CENPN: variants seen among roughly 807,000 people sequenced by gnomAD.
CENPN encodes the protein interphase centromere complex protein 32.
CENPN carries 36 observed loss-of-function variants against 48.6 expected under a neutral mutation model. That is an observed-to-expected ratio of 0.74 (90% confidence interval 0.57 to 0.98). CENPN has a LOEUF of 0.98. CENPN is among the 50% of genes least tolerant of loss of function. CENPN has a pLI of 0.00. For missense variants in CENPN, 439 were observed against 399.2 expected (o/e 1.10, Z -0.85); for synonymous variants, 166 against 135.2 (o/e 1.23, Z -1.58).
intron 2 of CENPN, 31 bp downstream of exon 2, chr16:81,012,141 C>T (rs1261922436): frequency 1.3e-6 from 2 of 1,599,606 alleles, no homozygotes; most frequent in Non-Finnish European, 1.7e-6. Flanking sequence ...GAGCCTTGAA[C>T]AGAGTGCTAC....
chr16:81,016,191 C>A (rs1465462124), intron 3 of CENPN, among the ~76,000 whole-genome samples: 2 of 152,014 alleles, frequency 1.3e-5, no homozygotes, highest in African/African-American at 4.8e-5. Context: ...CTGTCATATA[C>A]TTATTCATTC....
Position 81,030,032 on chromosome 16 carries a change from A to AG in CENPN, c.*1384dup, listed in dbSNP as rs1970700328. On this transcript the variant is annotated 3_prime_UTR_variant, in exon 11 of 11. Coordinates refer to ENST00000305850, the MANE Select transcript of CENPN (RefSeq NM_001100624.3). The stretch of plus-strand genomic sequence containing the variant: ...TGGCGGCAGGCAAGAGAGCTTGTGC[A>AG]GGGAAACTCCCATTTATAAAACCAC... 6.6e-6 allele frequency among the ~76,000 whole-genome samples: 1 copy of AG among 152,210 alleles called. No individual in the cohort carries two copies. The highest frequency in any genetic ancestry group is 2.1e-4 in the South Asian group (1 of 4,830).
intron 5 of CENPN, 49 bp from the exon 6 acceptor site, chr16:81,020,051 G>T: frequency 6.4e-7 from 1 of 1,554,466 alleles, no homozygotes; most frequent in Non-Finnish European, 8.7e-7. Flanking sequence ...TGGTGCCACA[G>T]TGAAATTTTA....
At chr16:81,019,866 G>C (rs1410471232) in intron 5 of CENPN, among the ~76,000 whole-genome samples, 5 of 142,182 alleles carry the variant, frequency 3.5e-5, no homozygotes, top group African/African-American at 1.3e-4. Context: ...AACTGAGCAA[G>C]ACCTAGTCTC....
chr16:81,022,869 C>G (rs1384189180), intron 7 of CENPN, 171 bp downstream of exon 7: 1 of 1,610,564 alleles, frequency 6.2e-7, no homozygotes, highest in African/African-American at 1.3e-5. Flanking sequence ...AAATTCCTCA[C>G]AGTCATCTTT....
intron 3 of CENPN, among the ~76,000 whole-genome samples, chr16:81,016,625 T>C (rs1236764904): frequency 6.6e-6 from 1 of 152,088 alleles, no homozygotes; most frequent in African/African-American, 2.4e-5. Context: ...TAGCCAGGCG[T>C]TGTGGCAGGC....
downstream of CENPN, chr16:81,032,430 C>T (rs2151728244): frequency 2.7e-6 from 2 of 753,876 alleles, no homozygotes; most frequent in Non-Finnish European, 4.3e-6. Context: ...GGTATATAAG[C>T]GTCCACACCC....
chr16:81,010,863 T>C (rs987868500), intron 1 of CENPN, among the ~76,000 whole-genome samples: 71 of 152,270 alleles, frequency 4.7e-4, no homozygotes, highest in African/African-American at 1.7e-3. Context: ...TAAAAGTGTA[T>C]CCAGAACCTG....
At position 81,022,545 on chromosome 16, in the gene CENPN, T is replaced by A. The variant is rs1597100639; in HGVS notation, c.532-52T>A. 2.8e-6 allele frequency: 4 copies of A among 1,447,480 alleles called. No individual in the cohort carries two copies. The East Asian group carries it at 9.1e-5, about 33-fold the overall frequency. 89.7% of individuals were successfully genotyped at this position (1,447,480 alleles called of 1,614,324 possible). ...TTACATTTTACTTTGACAAGTATTA[T>A]AAACACAGAGGCAGTAATCCTAGTA... On this transcript the variant is annotated intron_variant, in intron 6 of 10. Coordinates refer to ENST00000305850, the MANE Select transcript of CENPN (RefSeq NM_001100624.3).
intron 2 of CENPN, among the ~76,000 whole-genome samples, chr16:81,013,917 G>A (rs1401007482): frequency 6.6e-6 from 1 of 152,172 alleles, no homozygotes; most frequent in African/African-American, 2.4e-5. Flanking sequence ...AAAGTTAAAA[G>A]TGATAAATGA....
chr16:81,018,683 A>G (rs1225973704), intron 5 of CENPN, among the ~76,000 whole-genome samples: 1 of 152,196 alleles, frequency 6.6e-6, no homozygotes, highest in Non-Finnish European at 1.5e-5. Flanking sequence ...ACTGGGTCCA[A>G]GCTCTATGAT....
intron 5 of CENPN, among the ~76,000 whole-genome samples, chr16:81,019,152 TACATAGAAATCTTCTTTAAGCCCATTATG>T (rs1970062451): frequency 6.6e-6 from 1 of 152,360 alleles, no homozygotes; most frequent in Admixed American, 6.5e-5. Context: ...AGCCCATTAT[TACATAGAAATCTTCTTTAAGCCCATTATG>T]ACATAGAAAT....
At chr16:81,010,920 T>C (rs1050694350) in intron 1 of CENPN, among the ~76,000 whole-genome samples, 8 of 152,186 alleles carry the variant, frequency 5.3e-5, no homozygotes, top group African/African-American at 1.7e-4. Context: ...CCTCGCCTCC[T>C]TACACTGCGT....
At chr16:81,032,317 T>G (rs543032117), downstream of CENPN, among the ~76,000 whole-genome samples, 6 of 152,282 alleles carry the variant, frequency 3.9e-5, no homozygotes, top group South Asian at 1.0e-3. Context: ...CATTTACAAG[T>G]TAATTTCTGT....
chr16:81,023,230 G>A (rs3826048), intron 7 of CENPN: 70,897 of 258,688 alleles, frequency 0.27, 10,993 homozygotes, highest in African/African-American at 0.44. Context: ...ATGCATGGCA[G>A]ATGTCTGCAT....
intron 1 of CENPN, among the ~76,000 whole-genome samples, chr16:81,010,300 C>T (rs916221675): frequency 3.3e-5 from 5 of 152,284 alleles, no homozygotes; most frequent in South Asian, 4.1e-4. Flanking sequence ...AAGTAGCAGA[C>T]GTGAGATCAG....
At chr16:81,028,420 C>T in intron 10 of CENPN, 123 bp downstream of exon 10, 1 of 1,473,558 alleles carries the variant, frequency 6.8e-7, no homozygotes, top group Admixed American at 2.0e-5. Context: ...ATCCTGCTCT[C>T]TCTTGCATCT....
chr16:81,010,388 C>G (rs1052732481), intron 1 of CENPN, among the ~76,000 whole-genome samples: 1 of 152,142 alleles, frequency 6.6e-6, no homozygotes, highest in African/African-American at 2.4e-5. Context: ...ATTCCTGCAG[C>G]CGCTAGGTCA....
intron 3 of CENPN, among the ~76,000 whole-genome samples, chr16:81,016,009 A>G (rs968674270): frequency 6.6e-6 from 1 of 151,756 alleles, no homozygotes; most frequent in Non-Finnish European, 1.5e-5. Context: ...GTCTCAAAAA[A>G]AAAAAGGAAA....
Sources: gnomAD v4.1 joint callset for allele counts (sites outside exome capture counted in the v4.1 genomes callset) on GRCh38, gnomAD v4.1.1 for gene constraint, MANE v1.5 for transcripts, NCBI Gene and HGNC (gene_info 2026-07-23, HGNC 2026-07-21) for gene names.